Variants in F13A1 observed in about 807,000 individuals in gnomAD.
The protein encoded by F13A1 is coagulation factor XIII A chain, also known as FSF, A subunit.
F13A1 carries 47 observed loss-of-function variants against 80.1 expected under a neutral mutation model. That is an observed-to-expected ratio of 0.59 (90% CI 0.46 to 0.75). F13A1 has a LOEUF of 0.75. F13A1 is among the 30% of genes least tolerant of loss of function. The pLI, the probability that F13A1 is intolerant of heterozygous loss-of-function variation, is 0.00. For missense variants in F13A1, 817 were observed against 930.4 expected (o/e 0.88, Z 1.59); for synonymous variants, 349 against 344.9 (o/e 1.01, Z -0.13).
Position 6,168,627 on chromosome 6 carries a change from G to T in F13A1, c.1748-1009C>A, listed in dbSNP as rs141715463. ...CTTCACAGAACTGAATGTCTTTACT[G>T]CTTTCCTTCTCAGTTTCTGGCTTTT... On this transcript the variant is annotated intron_variant, in intron 12 of 14. Coordinates refer to ENST00000264870, the MANE Select transcript of F13A1 (RefSeq NM_000129.4). Among the ~76,000 whole-genome samples the T allele has an allele frequency of 2.7e-3, 412 of 152,304 alleles. 2 individuals carry two copies. Among genetic ancestry groups the T allele is most frequent in the African/African-American group, 9.6e-3 (401 of 41,576 alleles).
intron 6 of F13A1, among the ~76,000 whole-genome samples, chr6:6,232,491 A>T (rs1757365933): frequency 6.6e-6 from 1 of 152,220 alleles, no homozygotes. Flanking sequence ...ATAGACAGTA[A>T]GACAATAGTA....
intron 3 of F13A1, among the ~76,000 whole-genome samples, chr6:6,299,159 T>C (rs1758380837): frequency 7.1e-6 from 1 of 140,494 alleles, no homozygotes; most frequent in Non-Finnish European, 1.5e-5. Context: ...TAACCCAACC[T>C]TTCTCTCTGG....
At position 6,236,731 on chromosome 6, in the gene F13A1, T is replaced by C. The variant is rs537394297; in HGVS notation, c.798+11581A>G. On this transcript the variant is annotated intron_variant, in intron 6 of 14. Transcript: ENST00000264870. ...GTCCTCATAAAGGCTAGGATTTCCATAACTCTTTTAGAAAATAGTCTTATA... is the reference window on the plus strand; with the variant it reads ...GTCCTCATAAAGGCTAGGATTTCCACAACTCTTTTAGAAAATAGTCTTATA... Among the ~76,000 whole-genome samples the C allele has an allele frequency of 2.0e-5, 3 of 152,302 alleles. No individual in the cohort carries two copies. In the East Asian group the frequency reaches 5.8e-4, roughly 29 times the overall value.
At chr6:6,275,661 G>A (rs1284920984) in intron 3 of F13A1, among the ~76,000 whole-genome samples, 11 of 152,300 alleles carry the variant, frequency 7.2e-5, no homozygotes, top group Admixed American at 7.2e-4. Flanking sequence ...GAGCCACTGT[G>A]CCTGGCCCTA....
rs533601925 is a variant in F13A1 at position 6,225,962 on chromosome 6, G to A, written c.799-1102C>T. ...ATGGAAGAGACTTTAGCAGAGAAAG[G>A]CAATCTTGAATATCTGGATAAAACT... is the stretch of plus-strand genomic sequence containing the variant. On this transcript the variant is annotated intron_variant, in intron 6 of 14. Coordinates refer to ENST00000264870, the MANE Select transcript of F13A1 (RefSeq NM_000129.4). 1.5e-3 allele frequency among the ~76,000 whole-genome samples: 230 copies of A among 152,342 alleles called. 1 individual carries two copies. Among genetic ancestry groups the A allele is most frequent in the African/African-American group, 5.4e-3 (225 of 41,578 alleles).
At chr6:6,198,596 C>T (rs967288297) in intron 8 of F13A1, among the ~76,000 whole-genome samples, 1 of 152,204 alleles carries the variant, frequency 6.6e-6, no homozygotes, top group Non-Finnish European at 1.5e-5. Context: ...GTACCCACTA[C>T]ACACCAGGCA....
At chr6:6,159,126 C>A (rs1760530366) in intron 13 of F13A1, among the ~76,000 whole-genome samples, 1 of 152,096 alleles carries the variant, frequency 6.6e-6, no homozygotes, top group South Asian at 2.1e-4. Context: ...TGGTCTCGAT[C>A]TCCTGACCTC....
At chr6:6,193,074 A>T (rs1761230641) in intron 10 of F13A1, among the ~76,000 whole-genome samples, 1 of 152,110 alleles carries the variant, frequency 6.6e-6, no homozygotes, top group Non-Finnish European at 1.5e-5. Context: ...ATCCACAGGA[A>T]CCCACTGCAG....
intron 12 of F13A1, among the ~76,000 whole-genome samples, chr6:6,168,779 C>T (rs915303152): frequency 6.6e-6 from 1 of 152,204 alleles, no homozygotes; most frequent in Admixed American, 6.5e-5. Flanking sequence ...GGGTGGGGTG[C>T]CTGTGGATGG....
chr6:6,223,859 A>C (rs993070571), intron 7 of F13A1, among the ~76,000 whole-genome samples: 1 of 152,200 alleles, frequency 6.6e-6, no homozygotes, highest in Non-Finnish European at 1.5e-5. Flanking sequence ...AGCAGGCAGA[A>C]AGGACACCCC....
chr6:6,174,688 G>A lies in F13A1; in HGVS notation c.1639C>T (p.Arg547Cys), dbSNP rs767358574. 23 of 1,614,058 alleles carry A rather than the reference G, an allele frequency of 1.4e-5. No homozygotes were observed. Among genetic ancestry groups the A allele is most frequent in the Middle Eastern group, 3.3e-4 (2 of 6,084 alleles). ...GAGAGATAAGCTGTGATGGTGTAAC[G>A]GTTGTGGCTGTTGTTCCGGAAGGTG... Reference protein sequence around the residue: ...SITFRNNSHNRYTITAYLSAN... With the variant: ...SITFRNNSHNCYTITAYLSAN... The change falls in exon 12 of 15, where the codon CGT (arginine) becomes TGT (cysteine). Residue 547 changes from arginine (R) to cysteine (C), a missense_variant. Arg to Cys is a radical substitution (Grantham distance 180, BLOSUM62 -3). Coordinates refer to ENST00000264870, the MANE Select transcript of F13A1 (RefSeq NM_000129.4).
intron 3 of F13A1, among the ~76,000 whole-genome samples, chr6:6,267,684 T>G (rs1189456357): frequency 6.6e-6 from 1 of 152,184 alleles, no homozygotes; most frequent in African/African-American, 2.4e-5. Flanking sequence ...TTTAAAAAGA[T>G]GCAAGTTTAG....
intron 10 of F13A1, among the ~76,000 whole-genome samples, chr6:6,189,549 G>GC (rs1761141999): frequency 7.0e-6 from 1 of 143,866 alleles, no homozygotes; most frequent in Admixed American, 7.2e-5. Context: ...TTGAATATTG[G>GC]CCCCCACTCT....
intron 8 of F13A1, among the ~76,000 whole-genome samples, chr6:6,221,533 C>A (rs994253393): frequency 1.3e-5 from 2 of 152,150 alleles, no homozygotes; most frequent in African/African-American, 4.8e-5. Flanking sequence ...CGTGAGCAAG[C>A]CTTTTTGGGC....
At chr6:6,294,702 T>G (rs969761985) in intron 3 of F13A1, among the ~76,000 whole-genome samples, 3 of 151,382 alleles carry the variant, frequency 2.0e-5, no homozygotes, top group Non-Finnish European at 4.4e-5. Context: ...AAAGATGTAC[T>G]GGTAGAGATT....
intron 6 of F13A1, among the ~76,000 whole-genome samples, chr6:6,242,320 A>G (rs1757493712): frequency 6.6e-6 from 1 of 152,202 alleles, no homozygotes; most frequent in African/African-American, 2.4e-5. Context: ...TCGAACATCG[A>G]TTGGTTAAAA....
intron 8 of F13A1, among the ~76,000 whole-genome samples, chr6:6,218,536 T>G (rs1393846532): frequency 6.6e-6 from 1 of 152,162 alleles, no homozygotes; most frequent in Non-Finnish European, 1.5e-5. Flanking sequence ...CACTTGGGGT[T>G]TCATTTGCTA....
chr6:6,165,588 G>C, intron 13 of F13A1, among the ~76,000 whole-genome samples: 1 of 152,168 alleles, frequency 6.6e-6, no homozygotes, highest in East Asian at 1.9e-4. Context: ...GCTCATAAAT[G>C]AAACCTGCGC....
Position 6,145,168 on chromosome 6 carries a change from C to T in F13A1, c.*451G>A, listed in dbSNP as rs973641074. The T allele has an allele frequency of 2.8e-5, 6 of 215,386 alleles. No homozygotes were observed. In the East Asian group the frequency reaches 3.8e-4, roughly 14 times the overall value. The allele number at this position is 215,386 out of a possible 1,614,324, so 13.3% of individuals were successfully genotyped here. A position where few individuals can be genotyped will look rare whatever the true frequency, so the allele number is the denominator to read the frequency against. On this transcript the variant is annotated 3_prime_UTR_variant, in exon 15 of 15. Transcript: ENST00000264870. ...AAATATTCTCACATGGAGGGTAGAACCTGACCCCGAGAAAGGGGACTGGAA... is the reference window on the plus strand; with the variant it reads ...AAATATTCTCACATGGAGGGTAGAATCTGACCCCGAGAAAGGGGACTGGAA...
Sources: gnomAD v4.1 joint callset for allele counts (sites outside exome capture counted in the v4.1 genomes callset) on GRCh38, gnomAD v4.1.1 for gene constraint, MANE v1.5 for transcripts, NCBI Gene and HGNC (gene_info 2026-07-23, HGNC 2026-07-21) for gene names.